TENM2: variants seen among roughly 807,000 people sequenced by gnomAD.
TENM2 encodes the protein teneurin-2.
TENM2 carries 52 observed loss-of-function variants against 245.2 expected under a neutral mutation model. The observed-to-expected ratio is 0.21, with a 90% CI of 0.17 to 0.27. The LOEUF (loss-of-function observed/expected upper bound fraction) is 0.27, where lower values mean the gene tolerates loss of function less well. Among genes scored for constraint, TENM2 ranks in the 10% least tolerant of loss-of-function variants. The probability of loss-of-function intolerance (pLI) is 1.00; values close to 1 mark genes in which losing one functional copy is unlikely to be tolerated. For missense variants in TENM2, 3,046 were observed against 3,666.8 expected, an observed-to-expected ratio of 0.83 and a Z score of 4.37; for synonymous variants, 1,363 against 1,438.9, an observed-to-expected ratio of 0.95 and a Z score of 1.19.
chr5:167,894,900 C>T (rs1266600174), intron 3 of TENM2, among the ~76,000 whole-genome samples: 1 of 142,494 alleles, frequency 7.0e-6, no homozygotes, highest in African/African-American at 2.6e-5. Flanking sequence ...TAAGAGGTTG[C>T]CTCTTCTACT....
the TENM2 span, among the ~76,000 whole-genome samples, chr5:167,163,668 A>G: frequency 6.6e-6 from 1 of 152,186 alleles, no homozygotes; most frequent in Non-Finnish European, 1.5e-5. Context: ...ACTGCTGATT[A>G]CGGTAACCAC....
At chr5:167,495,802 C>T (rs915031454) in intron 2 of TENM2, among the ~76,000 whole-genome samples, 1 of 151,984 alleles carries the variant, frequency 6.6e-6, no homozygotes, top group African/African-American at 2.4e-5. Flanking sequence ...TTTACAATTG[C>T]AGTCAATAAA....
At chr5:167,830,527 G>A (rs1768374526) in intron 2 of TENM2, among the ~76,000 whole-genome samples, 1 of 152,144 alleles carries the variant, frequency 6.6e-6, no homozygotes, top group Non-Finnish European at 1.5e-5. Flanking sequence ...ATAATGAAGT[G>A]AATCAGAGAC....
intron 2 of TENM2, among the ~76,000 whole-genome samples, chr5:167,380,545 T>C (rs900361839): frequency 3.3e-5 from 5 of 152,166 alleles, no homozygotes; most frequent in African/African-American, 9.7e-5. Flanking sequence ...TATATATTTC[T>C]TTCTTTCCTT....
At chr5:168,149,098 G>A (rs138402299) in intron 12 of TENM2, among the ~76,000 whole-genome samples, 2 of 152,282 alleles carry the variant, frequency 1.3e-5, no homozygotes, top group East Asian at 3.9e-4. Context: ...CTGGCCGGAT[G>A]AATGCAGCCT....
At position 167,872,542 on chromosome 5, in the gene TENM2, A is replaced by AAG. The variant is rs756292177; in HGVS notation, c.503-3442_503-3441dup. Among the ~76,000 whole-genome samples, 122 of 48,014 alleles carry AAG rather than the reference A, an allele frequency of 2.5e-3. 1 individual carries two copies. Among genetic ancestry groups the AAG allele is most frequent in the Non-Finnish European group, 6.0e-3 (98 of 16,392 alleles). 31.5% of individuals were successfully genotyped at this position (48,014 alleles called of 152,430 possible). On this transcript the variant is annotated intron_variant, in intron 2 of 28. Coordinates refer to ENST00000518659, the Ensembl canonical transcript of TENM2. Reference sequence around the variant, plus strand: ...AAAGAAAGAAAGAAAGAAAGAAAGAAAGAAAGAGAAAGAAAGAAAGAAAGA... The same window carrying AAG: ...AAAGAAAGAAAGAAAGAAAGAAAGAAAGAGAAAGAGAAAGAAAGAAAGAAAGA...
chr5:167,377,820 G>A (rs755926367), intron 2 of TENM2, among the ~76,000 whole-genome samples: 4 of 152,178 alleles, frequency 2.6e-5, no homozygotes, highest in African/African-American at 9.6e-5. Context: ...TCCACACCAC[G>A]GCATGGACAC....
At chr5:167,409,698 TAAGTAA>T (rs1762810016) in intron 2 of TENM2, among the ~76,000 whole-genome samples, 1 of 152,038 alleles carries the variant, frequency 6.6e-6, no homozygotes, top group Admixed American at 6.6e-5. Flanking sequence ...AAAGCATGTT[TAAGTAA>T]AAGTATATTG....
chr5:167,668,381 G>A (rs1446154251), intron 2 of TENM2, among the ~76,000 whole-genome samples: 2 of 152,116 alleles, frequency 1.3e-5, no homozygotes, highest in Non-Finnish European at 2.9e-5. Context: ...GTGTTATGAG[G>A]TTTCATGAAC....
At chr5:167,147,622 A>C in the TENM2 span, among the ~76,000 whole-genome samples, 1 of 152,180 alleles carries the variant, frequency 6.6e-6, no homozygotes, top group Non-Finnish European at 1.5e-5. Flanking sequence ...TTGAATGTTT[A>C]TTATATATAC....
chr5:167,607,336 G>A (rs1777128365), intron 2 of TENM2, among the ~76,000 whole-genome samples: 1 of 152,112 alleles, frequency 6.6e-6, no homozygotes, highest in African/African-American at 2.4e-5. Flanking sequence ...ATTGAGTTTT[G>A]TTCTCCCAGA....
At chr5:167,301,080 C>T (rs931929848) in intron 1 of TENM2, among the ~76,000 whole-genome samples, 1 of 152,100 alleles carries the variant, frequency 6.6e-6, no homozygotes, top group African/African-American at 2.4e-5. Flanking sequence ...TTACTTTCCA[C>T]TGTGAGAGTT....
chr5:167,574,871 G>C (rs1015110721), intron 2 of TENM2, among the ~76,000 whole-genome samples: 7 of 152,110 alleles, frequency 4.6e-5, no homozygotes, highest in African/African-American at 1.4e-4. Flanking sequence ...TGCTATGAGA[G>C]TTGTGGATTA....
the TENM2 span, among the ~76,000 whole-genome samples, chr5:167,199,418 C>T: frequency 6.6e-6 from 1 of 152,084 alleles, no homozygotes; most frequent in East Asian, 1.9e-4. Flanking sequence ...TCTTGGCCAT[C>T]GTTTGCATTA....
chr5:167,219,332 C>CAA, the TENM2 span, among the ~76,000 whole-genome samples: 1 of 143,648 alleles, frequency 7.0e-6, no homozygotes, highest in African/African-American at 2.8e-5. Flanking sequence ...AACAAACAAG[C>CAA]AAAACAAAAC....
At chr5:167,932,537 T>A (rs1036318572) in intron 3 of TENM2, among the ~76,000 whole-genome samples, 5 of 152,250 alleles carry the variant, frequency 3.3e-5, no homozygotes, top group African/African-American at 9.6e-5. Flanking sequence ...TCATCTTTCA[T>A]TCATTCAAAC....
intron 5 of TENM2, among the ~76,000 whole-genome samples, chr5:168,046,812 G>A (rs1013721432): frequency 1.3e-5 from 2 of 152,168 alleles, no homozygotes; most frequent in Non-Finnish European, 2.9e-5. Flanking sequence ...GTGCTGAAAG[G>A]TATCCACTCA....
intron 1 of TENM2, among the ~76,000 whole-genome samples, chr5:167,371,490 T>TA (rs1330231355): frequency 6.6e-6 from 1 of 151,240 alleles, no homozygotes; most frequent in Non-Finnish European, 1.5e-5. Flanking sequence ...GCCTCCCGAG[T>TA]AGCTGGGATG....
At chr5:167,342,453 C>A (rs1048631458) in intron 1 of TENM2, among the ~76,000 whole-genome samples, 2 of 150,230 alleles carry the variant, frequency 1.3e-5, no homozygotes, top group Non-Finnish European at 3.0e-5. Context: ...ATGATATTAA[C>A]CCTGGTCATC....
Sources: allele counts gnomAD v4.1 joint callset (sites outside exome capture counted in the v4.1 genomes callset), GRCh38; gene constraint gnomAD v4.1.1; transcripts MANE v1.5; gene names NCBI Gene and HGNC (gene_info 2026-07-23, HGNC 2026-07-21).